The following CLYBL variants were observed in gnomAD, a reference collection of about 807,000 sequenced individuals.
The protein encoded by CLYBL is citramalyl-CoA lyase, mitochondrial.
A neutral mutation model predicts 38.9 loss-of-function variants in CLYBL; 31 were observed. The observed-to-expected ratio is 0.80, with a 90% CI of 0.60 to 1.08. The LOEUF is 1.08. Ranked by LOEUF, CLYBL falls within the 50% of genes least tolerant of loss-of-function variation. The pLI is 0.00. For synonymous variants in CLYBL, 171 were observed against 158.6 expected (o/e 1.08, Z -0.59); for missense variants, 434 against 411.6 (o/e 1.05, Z -0.47).
chr13:99,741,137 C>T (rs1408205684), intron 1 of CLYBL, among the ~76,000 whole-genome samples: 2 of 151,996 alleles, frequency 1.3e-5, no homozygotes, highest in East Asian at 1.9e-4. Flanking sequence ...ACTTCCTTTC[C>T]CTAAAAGAAG....
chr13:99,745,840 C>T (rs990357301), intron 1 of CLYBL, among the ~76,000 whole-genome samples: 3 of 151,336 alleles, frequency 2.0e-5, no homozygotes, highest in African/African-American at 7.3e-5. Context: ...ATATTAAACT[C>T]TCCCAAAAAT....
chr13:99,785,992 C>A (rs1351893349), intron 2 of CLYBL, among the ~76,000 whole-genome samples: 1 of 152,010 alleles, frequency 6.6e-6, no homozygotes, highest in South Asian at 2.1e-4. Context: ...CCCTCTCCAC[C>A]TTGTCTCTGC....
At chr13:99,902,895 A>G (rs1272608868) in intron 8 of CLYBL, among the ~76,000 whole-genome samples, 1 of 152,264 alleles carries the variant, frequency 6.6e-6, no homozygotes, top group African/African-American at 2.4e-5. Context: ...GCCCCAGGGC[A>G]TGAGCTTTAC....
chr13:99,721,303 C>T (rs2048389078), intron 1 of CLYBL, among the ~76,000 whole-genome samples: 1 of 152,014 alleles, frequency 6.6e-6, no homozygotes, highest in South Asian at 2.1e-4. Context: ...CTCAGCCTCC[C>T]AAAGTGCTGG....
intron 2 of CLYBL, among the ~76,000 whole-genome samples, chr13:99,798,765 G>A (rs1396064735): frequency 2.6e-5 from 4 of 152,166 alleles, no homozygotes; most frequent in Admixed American, 1.3e-4. Flanking sequence ...TATATTTATT[G>A]GAGGTTGTAG....
chr13:99,738,040 G>A (rs561675190), intron 1 of CLYBL, among the ~76,000 whole-genome samples: 5 of 152,120 alleles, frequency 3.3e-5, no homozygotes, highest in African/African-American at 9.7e-5. Context: ...AATTGCCTCC[G>A]GGACATTTTA....
chr13:99,616,524 C>T lies in CLYBL; in HGVS notation c.62+9767C>T, dbSNP rs116804897. Among the ~76,000 whole-genome samples the T allele has an allele frequency of 4.2e-3, 646 of 152,320 alleles. 6 individuals carry two copies. Among genetic ancestry groups the T allele is most frequent in the African/African-American group, 0.015 (608 of 41,556 alleles). On this transcript the variant is annotated intron_variant, in intron 1 of 8. Transcript: ENST00000339105. The stretch of plus-strand genomic sequence containing the variant: ...ACCTAAAAAGGCCTGTTGGCTACCG[C>T]GACAGCCTTGGCTGTCACACTGGGC...
chr13:99,809,539 T>G (rs1190878101), intron 2 of CLYBL, among the ~76,000 whole-genome samples: 3 of 152,272 alleles, frequency 2.0e-5, no homozygotes, highest in East Asian at 3.9e-4. Context: ...GAGACAGAGC[T>G]GTGTCTTCCT....
At chr13:99,889,904 A>G (rs975228441) in intron 7 of CLYBL, among the ~76,000 whole-genome samples, 1 of 152,148 alleles carries the variant, frequency 6.6e-6, no homozygotes, top group Non-Finnish European at 1.5e-5. Flanking sequence ...ATGCAAATGG[A>G]CCATCATCAA....
At chr13:99,620,585 G>A (rs1378309797) in intron 1 of CLYBL, among the ~76,000 whole-genome samples, 1 of 152,150 alleles carries the variant, frequency 6.6e-6, no homozygotes, top group Non-Finnish European at 1.5e-5. Flanking sequence ...GACCAACCTG[G>A]CACAACATGA....
chr13:99,696,148 A>G (rs900793293), intron 1 of CLYBL, among the ~76,000 whole-genome samples: 1 of 152,268 alleles, frequency 6.6e-6, no homozygotes, highest in Middle Eastern at 3.4e-3. Flanking sequence ...TCTTTTCCAG[A>G]CAAGGCTCTA....
intron 2 of CLYBL, among the ~76,000 whole-genome samples, chr13:99,810,868 G>A (rs1353269187): frequency 1.3e-5 from 2 of 152,046 alleles, no homozygotes; most frequent in African/African-American, 2.4e-5. Context: ...GCTCCAAAAG[G>A]CAGAAGTGGG....
At chr13:99,762,219 TC>T in intron 1 of CLYBL, among the ~76,000 whole-genome samples, 1 of 152,298 alleles carries the variant, frequency 6.6e-6, no homozygotes, top group East Asian at 1.9e-4. Flanking sequence ...GCTTTTGGGG[TC>T]TTACACAAAA....
intron 2 of CLYBL, among the ~76,000 whole-genome samples, chr13:99,813,772 A>G (rs748260569): frequency 2.0e-5 from 3 of 152,226 alleles, no homozygotes; most frequent in Non-Finnish European, 2.9e-5. Flanking sequence ...ATACTTATAT[A>G]TAAGTGCTCC....
intron 1 of CLYBL, among the ~76,000 whole-genome samples, chr13:99,752,534 T>C (rs1183355434): frequency 6.6e-6 from 1 of 152,024 alleles, no homozygotes; most frequent in Non-Finnish European, 1.5e-5. Context: ...GTGACCAAAC[T>C]AAGCTCCTAA....
intron 7 of CLYBL, among the ~76,000 whole-genome samples, chr13:99,872,953 T>A (rs964000618): frequency 2.6e-5 from 4 of 152,182 alleles, no homozygotes; most frequent in Non-Finnish European, 4.4e-5. Flanking sequence ...CTTTTTTTTT[T>A]TTTAAATAAG....
At chr13:99,737,968 T>G (rs1039782238) in intron 1 of CLYBL, among the ~76,000 whole-genome samples, 3 of 152,136 alleles carry the variant, frequency 2.0e-5, no homozygotes, top group African/African-American at 7.2e-5. Flanking sequence ...CAATGAGAAA[T>G]GAGCTTCATG....
chr13:99,784,885 T>C (rs2049751466), intron 2 of CLYBL, among the ~76,000 whole-genome samples: 1 of 152,104 alleles, frequency 6.6e-6, no homozygotes, highest in African/African-American at 2.4e-5. Flanking sequence ...TACCCATCCT[T>C]TGACATTTTT....
intron 1 of CLYBL, among the ~76,000 whole-genome samples, chr13:99,614,771 CA>C (rs67385188): frequency 0.12 from 17,858 of 152,014 alleles, 1,189 homozygotes; most frequent in Non-Finnish European, 0.16. Context: ...GCCAAGGAGT[CA>C]GGGGGGGAGG....
Sources: allele counts gnomAD v4.1 joint callset (sites outside exome capture counted in the v4.1 genomes callset), GRCh38; gene constraint gnomAD v4.1.1; transcripts MANE v1.5; gene names NCBI Gene and HGNC (gene_info 2026-07-23, HGNC 2026-07-21).